ZNF536: variants seen among roughly 807,000 people sequenced by gnomAD.
The protein encoded by ZNF536 is zinc finger protein 536.
A neutral mutation model predicts 84.5 loss-of-function variants in ZNF536; 13 were observed. The ratio of observed to expected loss-of-function variants is 0.15; its 90% CI spans 0.10 to 0.24. The LOEUF is 0.24. Ranked by LOEUF, ZNF536 falls within the 10% of genes least tolerant of loss-of-function variation. The pLI is 1.00. For missense variants in ZNF536, 1,536 were observed against 1,747.5 expected (o/e 0.88, Z 2.16); for synonymous variants, 811 against 742.5 (o/e 1.09, Z -1.50).
intron 1 of ZNF536, among the ~76,000 whole-genome samples, chr19:30,403,484 G>C (rs1244720054): frequency 6.6e-6 from 1 of 152,184 alleles, no homozygotes; most frequent in Non-Finnish European, 1.5e-5. Context: ...GGGTAAGAAG[G>C]ACTATCTCCA....
At chr19:30,379,744 T>G (rs1305488192) in intron 1 of ZNF536, among the ~76,000 whole-genome samples, 1 of 151,920 alleles carries the variant, frequency 6.6e-6, no homozygotes, top group East Asian at 1.9e-4. Flanking sequence ...GTGGGAGTAC[T>G]CATTCCACTG....
intron 1 of ZNF536, among the ~76,000 whole-genome samples, chr19:30,671,997 G>C (rs1487499530): frequency 6.6e-6 from 1 of 152,186 alleles, no homozygotes; most frequent in Non-Finnish European, 1.5e-5. Context: ...TCACCGCCCT[G>C]GGACCCGGCC....
intron 1 of ZNF536, among the ~76,000 whole-genome samples, chr19:30,610,535 C>T (rs77288789): frequency 0.015 from 2,343 of 152,276 alleles, 67 homozygotes; most frequent in African/African-American, 0.054. Flanking sequence ...TGAGGTATTC[C>T]CATTCAATTT....
chr19:30,446,402 A>T (rs1422026519), intron 2 of ZNF536, among the ~76,000 whole-genome samples: 2 of 152,008 alleles, frequency 1.3e-5, no homozygotes, highest in African/African-American at 4.8e-5. Flanking sequence ...GCTGTCGGCC[A>T]TCATCTGGTC....
intron 2 of ZNF536, among the ~76,000 whole-genome samples, chr19:30,518,863 G>T (rs1249033991): frequency 6.6e-6 from 1 of 152,162 alleles, no homozygotes; most frequent in Non-Finnish European, 1.5e-5. Context: ...AGGGCAGAGG[G>T]ATGGGGGTGC....
At chr19:30,478,139 A>C (rs1599514594) in intron 2 of ZNF536, among the ~76,000 whole-genome samples, 1 of 145,414 alleles carries the variant, frequency 6.9e-6, no homozygotes, top group Non-Finnish European at 1.5e-5. Context: ...AAGATGGTTC[A>C]TGGATAATCC....
intron 4 of ZNF536, chr19:30,555,597 A>G (rs1238803389): frequency 6.6e-6 from 1 of 152,228 alleles, no homozygotes; most frequent in Non-Finnish European, 1.5e-5. Context: ...GTAGGAAATG[A>G]GTCCTGCCCT....
chr19:30,427,531 G>A (rs901815522), intron 1 of ZNF536, among the ~76,000 whole-genome samples: 5 of 152,160 alleles, frequency 3.3e-5, no homozygotes, highest in Admixed American at 6.5e-5. Flanking sequence ...CCTAGTCAAT[G>A]TGAACTTGTT....
chr19:30,530,557 G>T (rs566731129), intron 2 of ZNF536, among the ~76,000 whole-genome samples: 1 of 152,164 alleles, frequency 6.6e-6, no homozygotes, highest in Admixed American at 6.5e-5. Flanking sequence ...ATGTTGGCCA[G>T]GCTCGTCTCA....
intron 1 of ZNF536, among the ~76,000 whole-genome samples, chr19:30,696,166 G>A (rs1245705940): frequency 6.6e-6 from 1 of 152,202 alleles, no homozygotes; most frequent in Non-Finnish European, 1.5e-5. Flanking sequence ...AAAGTGGTCA[G>A]CTTGGTTCCA....
chr19:30,371,418 C>T (rs1180775156), upstream of ZNF536, among the ~76,000 whole-genome samples: 2 of 152,136 alleles, frequency 1.3e-5, no homozygotes, highest in African/African-American at 4.8e-5. Context: ...TATTGGTGTA[C>T]AGTACAGCTG....
intron 1 of ZNF536, among the ~76,000 whole-genome samples, chr19:30,595,115 G>A (rs910277771): frequency 1.3e-5 from 2 of 152,104 alleles, no homozygotes; most frequent in Non-Finnish European, 2.9e-5. Context: ...AATGAAGTTG[G>A]GCCAGCCAGG....
intron 1 of ZNF536, among the ~76,000 whole-genome samples, chr19:30,690,972 A>G (rs2051383836): frequency 1.3e-5 from 2 of 152,188 alleles, no homozygotes; most frequent in African/African-American, 2.4e-5. Flanking sequence ...TTGACTGAAG[A>G]TACCGGCTAA....
chr19:30,321,769 T>C (rs954051773), intron 2 of ZNF536, among the ~76,000 whole-genome samples: 12 of 151,428 alleles, frequency 7.9e-5, no homozygotes, highest in Admixed American at 6.6e-4. Context: ...TTTTTCTTTT[T>C]TTTCTTTCTT....
chr19:30,414,087 C>G (rs1382592508), intron 1 of ZNF536, among the ~76,000 whole-genome samples: 4 of 62,396 alleles, frequency 6.4e-5, no homozygotes, highest in Non-Finnish European at 1.1e-4. Context: ...GTGAGAGACT[C>G]TGTCTCAAAA....
At chr19:30,677,157 C>T (rs577540855) in intron 1 of ZNF536, among the ~76,000 whole-genome samples, 85 of 152,346 alleles carry the variant, frequency 5.6e-4, no homozygotes, top group Non-Finnish European at 9.1e-4. Flanking sequence ...GCTGGGCTGC[C>T]GCAATCTCCC....
At chr19:30,543,000 C>T (rs749654866) in intron 3 of ZNF536, among the ~76,000 whole-genome samples, 2 of 152,084 alleles carry the variant, frequency 1.3e-5, no homozygotes, top group Admixed American at 6.5e-5. Context: ...TTTGTAGAAA[C>T]GAGGTCTCCC....
rs1363117989 is a variant in ZNF536, at chr19:30,249,887, A to G, written c.-190+21214A>G. 2.6e-5 allele frequency among the ~76,000 whole-genome samples: 4 copies of G among 152,316 alleles called. No homozygotes were observed. In the East Asian group the frequency reaches 5.8e-4, roughly 22 times the overall value. ...ATAGCTGCAAACCTAGTTCCCATTT[A>G]TGCCCACTGTTGAGAATGCTTGGGG... On this transcript the variant is annotated intron_variant, in intron 1 of 5. Transcript: ENST00000585628.
At chr19:30,684,282 A>G (rs532716414) in intron 1 of ZNF536, among the ~76,000 whole-genome samples, 45 of 152,222 alleles carry the variant, frequency 3.0e-4, no homozygotes, top group African/African-American at 1.0e-3. Context: ...CGACAGATGC[A>G]TGCCACAATG....
Sources: gnomAD v4.1 joint callset for allele counts (sites outside exome capture counted in the v4.1 genomes callset) on GRCh38, gnomAD v4.1.1 for gene constraint, MANE v1.5 for transcripts, NCBI Gene and HGNC (gene_info 2026-07-23, HGNC 2026-07-21) for gene names.